KCNMA1: variants seen among roughly 807,000 people sequenced by gnomAD.
KCNMA1 encodes potassium calcium-activated channel subfamily M alpha 1.
Under a neutral mutation model 140.0 loss-of-function variants are expected in KCNMA1, and 29 were observed. That is an observed-to-expected ratio of 0.21 (90% confidence interval 0.15 to 0.28). The LOEUF (loss-of-function observed/expected upper bound fraction) is 0.28, where lower values mean the gene tolerates loss of function less well. Ranked by LOEUF, KCNMA1 falls within the 10% of genes least tolerant of loss-of-function variation. KCNMA1 has a pLI of 1.00. For missense variants in KCNMA1, 880 were observed against 1,602.2 expected, an observed-to-expected ratio of 0.55 and a Z score of 7.70; for synonymous variants, 612 against 611.9, an observed-to-expected ratio of 1.00 and a Z score of 0.00.
intron 5 of KCNMA1, among the ~76,000 whole-genome samples, chr10:77,128,869 G>C (rs2097795220): frequency 1.3e-5 from 2 of 152,194 alleles, no homozygotes; most frequent in Admixed American, 1.3e-4. Context: ...TTCTGACTCA[G>C]TGGGTCTCCG....
At chr10:76,972,360 A>G (rs1157490023) in intron 19 of KCNMA1, among the ~76,000 whole-genome samples, 1 of 152,198 alleles carries the variant, frequency 6.6e-6, no homozygotes, top group Non-Finnish European at 1.5e-5. Context: ...TACACAATGA[A>G]TCTAGATGAG....
intron 9 of KCNMA1, among the ~76,000 whole-genome samples, chr10:77,102,552 G>A (rs1204320410): frequency 6.6e-6 from 1 of 152,230 alleles, no homozygotes; most frequent in Non-Finnish European, 1.5e-5. Flanking sequence ...TGGGGTCTGA[G>A]CGAGCAATCA....
intron 1 of KCNMA1, among the ~76,000 whole-genome samples, chr10:77,540,767 G>A (rs1358682891): frequency 6.6e-6 from 1 of 152,152 alleles, no homozygotes; most frequent in South Asian, 2.1e-4. Context: ...TCGGGAGGCC[G>A]AGGTGGGCTG....
chr10:77,336,671 C>G (rs924515828), intron 2 of KCNMA1, among the ~76,000 whole-genome samples: 1 of 152,146 alleles, frequency 6.6e-6, no homozygotes, highest in Non-Finnish European at 1.5e-5. Context: ...TAAGCTCCAC[C>G]AATTTGATAA....
At chr10:76,898,372 C>A (rs2043537553) in intron 25 of KCNMA1, among the ~76,000 whole-genome samples, 2 of 151,602 alleles carry the variant, frequency 1.3e-5, no homozygotes, top group African/African-American at 4.8e-5. Flanking sequence ...TAGAATAAAT[C>A]TGGACTAAGG....
chr10:77,148,933 TAAC>T (rs1434032360), intron 5 of KCNMA1, among the ~76,000 whole-genome samples: 2 of 152,236 alleles, frequency 1.3e-5, no homozygotes, highest in Non-Finnish European at 2.9e-5. Flanking sequence ...AATCTGTAAA[TAAC>T]AACATTTGGA....
rs1038716038 is a variant in KCNMA1, at chr10:77,636,595, T to C, written c.378+670A>G. On this transcript the variant is annotated intron_variant, in intron 1 of 27. Coordinates refer to ENST00000286628, the MANE Select transcript of KCNMA1 (RefSeq NM_001161352.2). ...CTAAGGGACGGAGTGGGAGGTTACATCAGATATGCGACCTCGACACATTCC... is the reference window on the plus strand; with the variant it reads ...CTAAGGGACGGAGTGGGAGGTTACACCAGATATGCGACCTCGACACATTCC... The C allele has an allele frequency of 9.1e-6, 14 of 1,536,026 alleles. No homozygotes were observed. In the South Asian group the frequency reaches 1.3e-4, roughly 14 times the overall value.
intron 19 of KCNMA1, chr10:76,974,372 T>G: frequency 1.8e-6 from 1 of 555,892 alleles, no homozygotes; most frequent in Non-Finnish European, 3.1e-6. Context: ...AAGTGCAAGC[T>G]GAAATCCACA....
Position 76,953,824 on chromosome 10 carries a change from T to G in KCNMA1, c.2461A>C (p.Lys821Gln). ...STGMFHWCAP[K>Q]EIEKVILTRS... ...ACCAGGATGACTTTCTCTATCTCCT[T>G]GGGTGCACACCAGTGAAACATCCCA... is the stretch of plus-strand genomic sequence containing the variant. The change falls in exon 21 of 28, where the codon AAG becomes CAG. Residue 821 changes from lysine (K) to glutamine (Q), a missense_variant. By Grantham distance (53) the Lys-to-Gln change is moderately conservative (BLOSUM62 1). Transcript: ENST00000286628. 1 of 1,614,106 alleles carries G rather than the reference T, an allele frequency of 6.2e-7. No individual in the cohort carries two copies. The highest frequency in any genetic ancestry group is 8.5e-7 in the Non-Finnish European group (1 of 1,179,966).
intron 26 of KCNMA1, among the ~76,000 whole-genome samples, chr10:76,890,756 C>T (rs771998966): frequency 5.9e-5 from 9 of 152,160 alleles, no homozygotes; most frequent in Non-Finnish European, 1.3e-4. Flanking sequence ...GCAAAGACAG[C>T]ACACTTCTGT....
At chr10:77,153,616 G>A (rs1431215977) in intron 5 of KCNMA1, among the ~76,000 whole-genome samples, 1 of 152,066 alleles carries the variant, frequency 6.6e-6, no homozygotes, top group African/African-American at 2.4e-5. Flanking sequence ...AAGCACCTTG[G>A]CCTCCCAAAG....
At chr10:77,139,266 T>A (rs987688181) in intron 5 of KCNMA1, among the ~76,000 whole-genome samples, 1 of 152,234 alleles carries the variant, frequency 6.6e-6, no homozygotes, top group Non-Finnish European at 1.5e-5. Flanking sequence ...ATTTGGTCTC[T>A]TCTCTCTAGT....
intron 1 of KCNMA1, among the ~76,000 whole-genome samples, chr10:77,542,037 G>A (rs2060301766): frequency 6.6e-6 from 1 of 152,088 alleles, no homozygotes; most frequent in East Asian, 1.9e-4. Flanking sequence ...TTTATATGTA[G>A]CAATTTTAAC....
chr10:77,555,112 C>A (rs1444551157), intron 1 of KCNMA1, among the ~76,000 whole-genome samples: 1 of 151,304 alleles, frequency 6.6e-6, no homozygotes, highest in Non-Finnish European at 1.5e-5. Flanking sequence ...CTTCCCCAGT[C>A]CAGTGCAGAT....
Position 77,403,955 on chromosome 10 carries a change from C to G in KCNMA1, c.447G>C (p.Glu149Asp), listed in dbSNP as rs896386800. ...AGCCGACCTCGGCGGCCACTGCCTCCTCTTTTTCATCCACTGGTTTGAGAG... is the reference window on the plus strand; with the variant it reads ...AGCCGACCTCGGCGGCCACTGCCTCGTCTTTTTCATCCACTGGTTTGAGAG... ...DGTLKPVDEKEEAVAAEVGWM... is the reference protein window; with the variant it reads ...DGTLKPVDEKDEAVAAEVGWM... The change falls in exon 2 of 28, where the codon GAG becomes GAC. Residue 149 changes from glutamate to aspartate, a missense_variant. Around this residue, in one of 13 missense-constraint regions of KCNMA1, gnomAD observed 54 missense variants for 56.4 expected, o/e 0.96. Transcript: ENST00000286628. The G allele has an allele frequency of 6.2e-7, 1 of 1,614,196 alleles. No homozygotes were observed. The highest frequency in any genetic ancestry group is 2.2e-5 in the East Asian group (1 of 44,862).
chr10:77,467,188 T>C (rs2098042049), intron 1 of KCNMA1, among the ~76,000 whole-genome samples: 1 of 152,174 alleles, frequency 6.6e-6, no homozygotes, highest in African/African-American at 2.4e-5. Context: ...TTAAAAAAAC[T>C]CTTACATTGC....
At chr10:77,582,404 C>A (rs1353791285) in intron 1 of KCNMA1, among the ~76,000 whole-genome samples, 1 of 152,158 alleles carries the variant, frequency 6.6e-6, no homozygotes, top group Non-Finnish European at 1.5e-5. Flanking sequence ...AAGTTGATAT[C>A]ATCATTTTCA....
chr10:77,175,540 G>A (rs978506797), intron 5 of KCNMA1, among the ~76,000 whole-genome samples: 6 of 152,174 alleles, frequency 3.9e-5, no homozygotes, highest in Admixed American at 2.0e-4. Flanking sequence ...CTGCCACATT[G>A]CTATCATGGA....
At chr10:76,950,912 A>G (rs756281563) in intron 21 of KCNMA1, among the ~76,000 whole-genome samples, 10 of 152,176 alleles carry the variant, frequency 6.6e-5, no homozygotes, top group Non-Finnish European at 1.0e-4. Context: ...AGCTCACATC[A>G]CATATCCCCA....
Sources: gnomAD v4.1 joint callset for allele counts (sites outside exome capture counted in the v4.1 genomes callset) on GRCh38, gnomAD v4.1.1 for gene constraint, gnomAD v4.1.1 regional missense constraint, MANE v1.5 for transcripts, NCBI Gene and HGNC (gene_info 2026-07-23, HGNC 2026-07-21) for gene names.